The following KLHL31 variants were observed in gnomAD, a reference collection of about 807,000 sequenced individuals.
The protein encoded by KLHL31 is kelch like family member 31.
KLHL31 carries 32 observed loss-of-function variants against 47.1 expected under a neutral mutation model. The ratio of observed to expected loss-of-function variants is 0.68; its 90% CI spans 0.51 to 0.91. The LOEUF is 0.91. Ranked by LOEUF, KLHL31 falls within the 40% of genes least tolerant of loss-of-function variation. KLHL31 has a pLI of 0.00. For missense variants in KLHL31, 797 were observed against 819.3 expected (o/e 0.97, Z 0.33); for synonymous variants, 330 against 325.1 (o/e 1.01, Z -0.16).
rs1581785751 is a variant in KLHL31 at position 53,651,281 on chromosome 6, C to G, written c.*317G>C. 4.4e-6 allele frequency: 1 copy of G among 228,376 alleles called. No homozygotes were observed. The highest frequency in any genetic ancestry group is 9.2e-5 in the South Asian group (1 of 10,840). The allele number at this position is 228,376 out of a possible 1,614,324, so 14.1% of individuals were successfully genotyped here. ...GAAAAAATCTCAAATGTGGGTGTAA[C>G]CGCTATACATTTAGGAAACATGCCG... On this transcript the variant is annotated 3_prime_UTR_variant, in exon 3 of 3. Transcript: ENST00000370905.
intron 2 of KLHL31, among the ~76,000 whole-genome samples, chr6:53,653,660 T>C (rs535332949): frequency 6.6e-6 from 1 of 152,352 alleles, no homozygotes; most frequent in South Asian, 2.1e-4. Flanking sequence ...AATTTGACAG[T>C]TGTCAGTAGC....
rs373305455 is a variant in KLHL31 at position 53,650,439 on chromosome 6, G to A, written c.*1159C>T. 2 of 152,298 alleles carry A rather than the reference G, an allele frequency of 1.3e-5. No homozygotes were observed. Among genetic ancestry groups the A allele is most frequent in the African/African-American group, 2.4e-5 (1 of 41,566 alleles). The allele number at this position is 152,298 out of a possible 1,614,324, so 9.4% of individuals were successfully genotyped here. On this transcript the variant is annotated 3_prime_UTR_variant, in exon 3 of 3. Coordinates refer to ENST00000370905, the MANE Select transcript of KLHL31 (RefSeq NM_001003760.5). ...GTATATATTTTTATATACGTGAGAT[G>A]AGTGCTTGATTTTTACTTAAGAAAT...
At chr6:53,664,058 T>C (rs868476679) in intron 1 of KLHL31, among the ~76,000 whole-genome samples, 1 of 152,246 alleles carries the variant, frequency 6.6e-6, no homozygotes, top group Non-Finnish European at 1.5e-5. Flanking sequence ...TGGCCTTCCA[T>C]ATCTTTAGAA....
chr6:53,653,056 C>G (rs9474616), intron 2 of KLHL31, among the ~76,000 whole-genome samples: 13,887 of 152,038 alleles, frequency 0.091, 741 homozygotes, highest in East Asian at 0.22. Flanking sequence ...TTTCAGTGCT[C>G]GGAACTATCC....
At chr6:53,652,541 GC>G (rs1237195597) in intron 2 of KLHL31, 1 of 610,424 alleles carries the variant, frequency 1.6e-6, no homozygotes, top group Non-Finnish European at 2.9e-6. Context: ...ACCACCCCTC[GC>G]CCCCGTTTAT....
intron 1 of KLHL31, among the ~76,000 whole-genome samples, chr6:53,655,671 A>T (rs1399524030): frequency 6.8e-6 from 1 of 146,874 alleles, no homozygotes; most frequent in Non-Finnish European, 1.5e-5. Context: ...CAGTGGCATG[A>T]TCTCAGCTCA....
At chr6:53,662,618 G>T (rs1026874517) in intron 1 of KLHL31, among the ~76,000 whole-genome samples, 2 of 152,098 alleles carry the variant, frequency 1.3e-5, no homozygotes, top group African/African-American at 4.8e-5. Context: ...CTATCACGTA[G>T]AGCAACCTCT....
At position 53,654,094 on chromosome 6, in the gene KLHL31, C is replaced by A; in HGVS notation, c.1172+7G>T. 1 of 1,585,314 alleles carries A rather than the reference C, an allele frequency of 6.3e-7. No homozygotes were observed. Among genetic ancestry groups the A allele is most frequent in the South Asian group, 1.2e-5 (1 of 84,946 alleles). On this transcript the variant is annotated splice_region_variant and intron_variant, in intron 2 of 2. Transcript: ENST00000370905. Reference sequence around the variant, plus strand: ...GCCATTTCAGTTCCTAATAAAAGATCAAGTACCTGCAGAAATTGCTGACTG... The same window carrying A: ...GCCATTTCAGTTCCTAATAAAAGATAAAGTACCTGCAGAAATTGCTGACTG...
intron 1 of KLHL31, among the ~76,000 whole-genome samples, chr6:53,657,506 G>A (rs781607682): frequency 1.3e-5 from 2 of 151,850 alleles, no homozygotes; most frequent in Non-Finnish European, 2.9e-5. Context: ...CCTTATAATC[G>A]GTGCATAGTA....
rs1024224082 is a variant in KLHL31, at chr6:53,655,429, ATAGATT to A, written c.-33-130_-33-125del. ...GGCATAAAATAGATTAATTTTTAAA[ATAGATT>A]TAAAGACATATTAAACTAGATGTAC... On this transcript the variant is annotated intron_variant, in intron 1 of 2. Coordinates refer to ENST00000370905, the MANE Select transcript of KLHL31 (RefSeq NM_001003760.5). 2.6e-5 allele frequency: 14 copies of A among 530,454 alleles called. No homozygotes were observed. The African/African-American group carries it at 2.7e-4, about 10-fold the overall frequency. 32.9% of individuals were successfully genotyped at this position (530,454 alleles called of 1,614,324 possible).
At position 53,654,704 on chromosome 6, in the gene KLHL31, G is replaced by A. The variant is rs1764529925; in HGVS notation, c.569C>T (p.Ala190Val). The A allele has an allele frequency of 6.2e-7, 1 of 1,614,198 alleles. No homozygotes were observed. Among genetic ancestry groups the A allele is most frequent in the Non-Finnish European group, 8.5e-7 (1 of 1,180,024 alleles). Reference sequence around the variant, plus strand: ...GTTATCCCGAATAAATTTCTGGGCTGCTGCTTTTGCATTTTTTAGGGAGTA... The same window carrying A: ...GTTATCCCGAATAAATTTCTGGGCTACTGCTTTTGCATTTTTTAGGGAGTA... ...ETYSLKNAKA[A>V]AQKFIRDNFL... is the part of the protein sequence containing the mutation. The change falls in exon 2 of 3, where the codon GCA (alanine) becomes GTA (valine). Residue 190 changes from alanine to valine, a missense_variant. By Grantham distance (64) the Ala-to-Val change is moderately conservative. Transcript: ENST00000370905.
intron 2 of KLHL31, among the ~76,000 whole-genome samples, chr6:53,653,201 C>A (rs556227381): frequency 6.6e-6 from 1 of 152,290 alleles, no homozygotes; most frequent in South Asian, 2.1e-4. Flanking sequence ...AAATACAGAA[C>A]TCACTCCTTC....
intron 1 of KLHL31, among the ~76,000 whole-genome samples, chr6:53,655,878 A>G (rs1764554736): frequency 6.6e-6 from 1 of 152,118 alleles, no homozygotes; most frequent in Admixed American, 6.6e-5. Context: ...AAGTGTTGGG[A>G]TTACAGATGT....
At position 53,655,319 on chromosome 6, in the gene KLHL31, A is replaced by G. The variant is rs1764544871; in HGVS notation, c.-33-14T>C. On this transcript the variant is annotated splice_polypyrimidine_tract_variant and intron_variant, in intron 1 of 2. Coordinates refer to ENST00000370905, the MANE Select transcript of KLHL31 (RefSeq NM_001003760.5). ...GGCAAGAGCTTGCTAAAAAGAGAAA[A>G]AAAAAAACATGGTTTTGTTTTAATT... is the stretch of plus-strand genomic sequence containing the variant. The G allele has an allele frequency of 7.7e-7, 1 of 1,297,578 alleles. No homozygotes were observed. Among genetic ancestry groups the G allele is most frequent in the African/African-American group, 1.5e-5 (1 of 67,684 alleles). 80.4% of individuals were successfully genotyped at this position (1,297,578 alleles called of 1,614,324 possible). A position where few individuals can be genotyped will look rare whatever the true frequency, so the allele number is the denominator to read the frequency against.
chr6:53,662,581 C>T (rs1395477938), intron 1 of KLHL31, among the ~76,000 whole-genome samples: 1 of 152,160 alleles, frequency 6.6e-6, no homozygotes, highest in African/African-American at 2.4e-5. Context: ...ATGGACTCCA[C>T]AGCCTCCTCT....
intron 1 of KLHL31, among the ~76,000 whole-genome samples, chr6:53,663,850 C>T (rs931202669): frequency 5.3e-5 from 8 of 152,118 alleles, no homozygotes. Flanking sequence ...AATTGGGTTT[C>T]GGTGTTCATT....
intron 1 of KLHL31, among the ~76,000 whole-genome samples, chr6:53,657,473 T>A (rs943701645): frequency 1.3e-5 from 2 of 152,230 alleles, no homozygotes; most frequent in Non-Finnish European, 2.9e-5. Flanking sequence ...TCTATAGCAG[T>A]ACATGTATAA....
Position 53,652,041 on chromosome 6 carries a change from G to C in KLHL31, c.1462C>G (p.Pro488Ala). The C allele has an allele frequency of 3.1e-6, 5 of 1,593,442 alleles. No individual in the cohort carries two copies. Among genetic ancestry groups the C allele is most frequent in the Non-Finnish European group, 2.6e-6 (3 of 1,175,778 alleles). The change falls in exon 3 of 3, where the codon CCG becomes GCG. Residue 488 changes from proline (P) to alanine (A), a missense_variant. Coordinates refer to ENST00000370905, the MANE Select transcript of KLHL31 (RefSeq NM_001003760.5). The part of the protein sequence containing the change: ...AYSRSVCAYD[P>A]ASDSWQELPN... ...AGCTCCTGCCACGAGTCGCTGGCCG[G>C]GTCGTAGGCGCACACAGAGCGCGAG...
intron 2 of KLHL31, 51 bp from the exon 3 acceptor site, chr6:53,652,381 C>A: frequency 6.2e-7 from 1 of 1,603,646 alleles, no homozygotes; most frequent in Non-Finnish European, 8.5e-7. Context: ...AGCTGGGGAC[C>A]CCATGTTACT....
Sources: gnomAD v4.1 joint callset for allele counts (sites outside exome capture counted in the v4.1 genomes callset) on GRCh38, gnomAD v4.1.1 for gene constraint, MANE v1.5 for transcripts, NCBI Gene and HGNC (gene_info 2026-07-23, HGNC 2026-07-21) for gene names.